Variants in LMCD1 observed in about 807,000 individuals in gnomAD.
LMCD1 encodes the protein LIM and cysteine rich domains 1.
In LMCD1, 32 loss-of-function variants were observed where a neutral mutation model predicts 42.7. The ratio of observed to expected loss-of-function variants is 0.75; its 90% CI spans 0.57 to 1.01. The LOEUF is 1.01. Among genes scored for constraint, LMCD1 ranks in the 50% least tolerant of loss-of-function variants. The pLI, the probability that LMCD1 is intolerant of heterozygous loss-of-function variation, is 0.00. For missense variants in LMCD1, 458 were observed against 483.1 expected (o/e 0.95, Z 0.49); for synonymous variants, 178 against 184.9 (o/e 0.96, Z 0.30).
intron 4 of LMCD1, 122 bp from the exon 5 acceptor site, chr3:8,565,310 A>C (rs1440998752): frequency 3.3e-5 from 25 of 761,054 alleles, no homozygotes; most frequent in Non-Finnish European, 4.8e-5. Flanking sequence ...TGAGGCACGA[A>C]GAGGTATAGT....
intron 1 of LMCD1, among the ~76,000 whole-genome samples, chr3:8,515,196 C>T (rs1189579434): frequency 6.6e-6 from 1 of 152,166 alleles, no homozygotes; most frequent in Non-Finnish European, 1.5e-5. Context: ...TCAAATCTTG[C>T]CATTGAATTT....
intron 1 of LMCD1, among the ~76,000 whole-genome samples, chr3:8,519,520 C>T (rs535018359): frequency 1.3e-5 from 2 of 152,092 alleles, no homozygotes; most frequent in African/African-American, 2.4e-5. Context: ...CGTGAAGGAC[C>T]GTTCACTAGT....
intron 1 of LMCD1, among the ~76,000 whole-genome samples, chr3:8,503,417 T>C (rs1184943537): frequency 1.3e-5 from 2 of 152,248 alleles, no homozygotes; most frequent in East Asian, 3.8e-4. Flanking sequence ...TCACTGCATT[T>C]GCCAAGCTAT....
At position 8,573,694 on chromosome 3, in the gene LMCD1, G is replaced by A. The variant is rs1034398758; in HGVS notation, c.*6096G>A. ...TTAAAGCAAAACGATCTCCTGGTCTGATTCCTTTGGGTCTCTAATAATGGA... is the reference window on the plus strand; with the variant it reads ...TTAAAGCAAAACGATCTCCTGGTCTAATTCCTTTGGGTCTCTAATAATGGA... On this transcript the variant is annotated 3_prime_UTR_variant, in exon 6 of 6. Coordinates refer to ENST00000157600, the MANE Select transcript of LMCD1 (RefSeq NM_014583.4). 4 of 152,290 alleles carry A rather than the reference G, an allele frequency of 2.6e-5. No individual in the cohort carries two copies. Among genetic ancestry groups the A allele is most frequent in the African/African-American group, 7.2e-5 (3 of 41,570 alleles). 9.4% of individuals were successfully genotyped at this position (152,290 alleles called of 1,614,324 possible).
At chr3:8,557,718 G>C (rs1291929571) in intron 4 of LMCD1, among the ~76,000 whole-genome samples, 2 of 152,184 alleles carry the variant, frequency 1.3e-5, no homozygotes, top group South Asian at 2.1e-4. Context: ...GTACACATTT[G>C]ATGTTTCTGT....
chr3:8,526,723 A>C (rs1231399651), intron 1 of LMCD1, among the ~76,000 whole-genome samples: 1 of 152,190 alleles, frequency 6.6e-6, no homozygotes, highest in Non-Finnish European at 1.5e-5. Context: ...CACCTTGAGA[A>C]CCACTGCAAC....
chr3:8,513,583 A>G (rs1050335226), intron 1 of LMCD1, among the ~76,000 whole-genome samples: 5 of 152,230 alleles, frequency 3.3e-5, no homozygotes, highest in East Asian at 1.9e-4. Flanking sequence ...TTCTACATGC[A>G]TACATGTAGA....
In LMCD1 at chr3:8,548,687, G is replaced by A. The variant is rs775057310; in HGVS notation, c.507G>A (p.Ser169=). 1.7e-5 allele frequency: 28 copies of A among 1,614,044 alleles called. No individual in the cohort carries two copies. Among genetic ancestry groups the A allele is most frequent in the East Asian group, 1.1e-4 (5 of 44,870 alleles). Residue 169 remains serine, a synonymous_variant, in exon 4 of 6, where the codon TCG becomes TCA. Transcript: ENST00000157600. ...HQLPIYDQDP[S]RCRGLLENEL... is the part of the protein sequence containing the mutation. Reference sequence around the variant, plus strand: ...TCCCCATCTATGACCAGGATCCCTCGCGCTGCCGTGGACTTTTGGAGAATG... The same window carrying A: ...TCCCCATCTATGACCAGGATCCCTCACGCTGCCGTGGACTTTTGGAGAATG...
At chr3:8,545,623 G>C (rs1308005241) in intron 3 of LMCD1, among the ~76,000 whole-genome samples, 1 of 152,184 alleles carries the variant, frequency 6.6e-6, no homozygotes, top group Non-Finnish European at 1.5e-5. Flanking sequence ...TCTTGCATCA[G>C]ATTTACCAGG....
chr3:8,559,178 G>T (rs1694981091), intron 4 of LMCD1, among the ~76,000 whole-genome samples: 1 of 152,152 alleles, frequency 6.6e-6, no homozygotes, highest in South Asian at 2.1e-4. Flanking sequence ...GGAAAAAATA[G>T]AGCTCATCAG....
intron 2 of LMCD1, among the ~76,000 whole-genome samples, chr3:8,534,212 C>T (rs577675408): frequency 2.6e-5 from 4 of 151,934 alleles, no homozygotes; most frequent in African/African-American, 9.7e-5. Flanking sequence ...ATGCACCCAC[C>T]GAGTCAATTC....
chr3:8,534,495 A>G (rs964323101), intron 2 of LMCD1, among the ~76,000 whole-genome samples: 2 of 152,232 alleles, frequency 1.3e-5, no homozygotes, highest in African/African-American at 4.8e-5. Context: ...ATCAAGTGTC[A>G]TCCTTGGTTT....
At chr3:8,502,078 A>C in intron 1 of LMCD1, 98 bp downstream of exon 1, 1 of 1,091,636 alleles carries the variant, frequency 9.2e-7, no homozygotes, top group South Asian at 1.5e-5. Context: ...ATGAGAAGGG[A>C]ACTCTTTAAA....
intron 4 of LMCD1, among the ~76,000 whole-genome samples, chr3:8,560,783 G>C (rs1055464419): frequency 5.3e-5 from 8 of 152,154 alleles, no homozygotes; most frequent in Admixed American, 3.9e-4. Flanking sequence ...CATGTGAAGA[G>C]GAACAGGGTT....
At chr3:8,505,810 T>C (rs1402938224) in intron 1 of LMCD1, among the ~76,000 whole-genome samples, 1 of 152,244 alleles carries the variant, frequency 6.6e-6, no homozygotes, top group Non-Finnish European at 1.5e-5. Context: ...CAGCCCTTCC[T>C]GCTTTCACCT....
Position 8,567,613 on chromosome 3 carries a change from A to G in LMCD1, c.*15A>G, listed in dbSNP as rs1030413110. On this transcript the variant is annotated 3_prime_UTR_variant, in exon 6 of 6. Transcript: ENST00000157600. ...AACGCTCCTGAAGGGCTGCCCACCC[A>G]CAGCCAGAATCCACAGGATCCCACC... 7.5e-6 allele frequency: 12 copies of G among 1,608,668 alleles called. 1 individual carries two copies. The highest frequency in any genetic ancestry group is 5.9e-6 in the Non-Finnish European group (7 of 1,176,818).
At chr3:8,541,941 G>A (rs1023787786) in intron 3 of LMCD1, among the ~76,000 whole-genome samples, 18 of 145,984 alleles carry the variant, frequency 1.2e-4, no homozygotes, top group Admixed American at 1.2e-3. Flanking sequence ...GGATCACAAA[G>A]TACACACCAG....
intron 4 of LMCD1, among the ~76,000 whole-genome samples, chr3:8,551,521 GC>G (rs1685315108): frequency 6.6e-6 from 1 of 152,220 alleles, no homozygotes; most frequent in African/African-American, 2.4e-5. Context: ...TTTCTATGGG[GC>G]AGAACCTGGA....
intron 1 of LMCD1, among the ~76,000 whole-genome samples, chr3:8,526,960 G>A (rs1406121974): frequency 6.6e-6 from 1 of 152,178 alleles, no homozygotes; most frequent in Non-Finnish European, 1.5e-5. Flanking sequence ...TTCTGCAAGA[G>A]GCTCAGGTGG....
Sources: gnomAD v4.1 joint callset for allele counts (sites outside exome capture counted in the v4.1 genomes callset) on GRCh38, gnomAD v4.1.1 for gene constraint, MANE v1.5 for transcripts, NCBI Gene and HGNC (gene_info 2026-07-23, HGNC 2026-07-21) for gene names.